INSYN2B: variants seen among roughly 807,000 people sequenced by gnomAD.
INSYN2B encodes inhibitory synaptic factor family member 2B.
Under a neutral mutation model 41.2 loss-of-function variants are expected in INSYN2B, and 16 were observed. The observed-to-expected ratio is 0.39, with a 90% confidence interval of 0.26 to 0.59. The LOEUF (loss-of-function observed/expected upper bound fraction) is 0.59, where lower values mean the gene tolerates loss of function less well. INSYN2B is among the 20% of genes least tolerant of loss of function. The pLI, the probability that INSYN2B is intolerant of heterozygous loss-of-function variation, is 0.57. For synonymous variants in INSYN2B, 245 were observed against 244.4 expected, an observed-to-expected ratio of 1.00 and a Z score of -0.02; for missense variants, 608 against 646.4, an observed-to-expected ratio of 0.94 and a Z score of 0.64.
intron 2 of INSYN2B, among the ~76,000 whole-genome samples, chr5:169,882,219 C>G (rs1772696091): frequency 6.6e-6 from 1 of 152,168 alleles, no homozygotes; most frequent in South Asian, 2.1e-4. Flanking sequence ...AAGTGCCTTC[C>G]TGCTATCATT....
intron 1 of INSYN2B, among the ~76,000 whole-genome samples, chr5:169,946,084 A>G (rs1489953539): frequency 6.6e-6 from 1 of 152,166 alleles, no homozygotes; most frequent in African/African-American, 2.4e-5. Context: ...TTTACCCAGG[A>G]AGCCCCAGTT....
Position 169,862,030 on chromosome 5 carries a change from C to A in INSYN2B, c.*2243G>T, listed in dbSNP as rs931030443. 3.3e-5 allele frequency among the ~76,000 whole-genome samples: 5 copies of A among 151,710 alleles called. No homozygotes were observed. Among genetic ancestry groups the A allele is most frequent in the Non-Finnish European group, 7.4e-5 (5 of 67,992 alleles). ...TTAAGGGTTCATGTGAGGGCCTCAA[C>A]TGGAAACATATCTATGACCACATCA... On this transcript the variant is annotated 3_prime_UTR_variant, in exon 4 of 4. Transcript: ENST00000377365.
intron 3 of INSYN2B, among the ~76,000 whole-genome samples, chr5:169,869,918 C>T (rs558250755): frequency 1.2e-4 from 19 of 152,152 alleles, no homozygotes; most frequent in Non-Finnish European, 1.8e-4. Context: ...CATGCAGGAT[C>T]GTAAGAAGGA....
intron 1 of INSYN2B, among the ~76,000 whole-genome samples, chr5:169,976,918 C>T (rs552295658): frequency 2.0e-5 from 3 of 152,340 alleles, no homozygotes; most frequent in Admixed American, 1.3e-4. Flanking sequence ...ATGCCTTTGA[C>T]ATGTAGCAGG....
At chr5:169,892,441 A>G (rs1373885597) in intron 1 of INSYN2B, among the ~76,000 whole-genome samples, 2 of 152,384 alleles carry the variant, frequency 1.3e-5, no homozygotes, top group East Asian at 1.9e-4. Context: ...ACTAATGTCA[A>G]TCCAGGTTCT....
Position 169,884,057 on chromosome 5 carries a change from T to G in INSYN2B, c.-159A>C. On this transcript the variant is annotated 5_prime_UTR_variant, in exon 2 of 4. An upstream start codon of the reference 5' UTR is lost. Transcript: ENST00000377365. Reference sequence around the variant, plus strand: ...TTAGTATGGGAAATCCTGTTGGCCATTCCCAGCCTCTAGAGTCTACGTAGG... The same window carrying G: ...TTAGTATGGGAAATCCTGTTGGCCAGTCCCAGCCTCTAGAGTCTACGTAGG... 7.2e-6 allele frequency: 4 copies of G among 557,858 alleles called. No individual in the cohort carries two copies. Among genetic ancestry groups the G allele is most frequent in the Non-Finnish European group, 1.2e-5 (4 of 341,446 alleles). The allele number at this position is 557,858 out of a possible 1,614,324, so 34.6% of individuals were successfully genotyped here.
At chr5:169,879,709 A>G (rs1399082957) in intron 3 of INSYN2B, among the ~76,000 whole-genome samples, 1 of 152,158 alleles carries the variant, frequency 6.6e-6, no homozygotes, top group Non-Finnish European at 1.5e-5. Flanking sequence ...GTCACTTTTA[A>G]TTCGGTTTAG....
intron 1 of INSYN2B, among the ~76,000 whole-genome samples, chr5:169,937,937 C>A (rs1172050434): frequency 6.6e-6 from 1 of 152,208 alleles, no homozygotes; most frequent in African/African-American, 2.4e-5. Flanking sequence ...CCTCTCCAGG[C>A]CTTTGCAGTG....
intron 1 of INSYN2B, among the ~76,000 whole-genome samples, chr5:169,918,881 G>A (rs1775023177): frequency 6.6e-6 from 1 of 152,170 alleles, no homozygotes; most frequent in Non-Finnish European, 1.5e-5. Flanking sequence ...CTGCATTCCA[G>A]CCCGGACGAC....
chr5:169,964,451 G>T (rs1003995859), intron 1 of INSYN2B, among the ~76,000 whole-genome samples: 4 of 152,262 alleles, frequency 2.6e-5, no homozygotes, highest in Non-Finnish European at 5.9e-5. Context: ...CTGGGAGGGG[G>T]CAGCTAGACG....
chr5:169,914,584 A>G (rs1774776744), intron 1 of INSYN2B, among the ~76,000 whole-genome samples: 1 of 152,246 alleles, frequency 6.6e-6, no homozygotes, highest in Admixed American at 6.5e-5. Flanking sequence ...TGGCCTGCAC[A>G]GTGTCTTAAA....
At chr5:169,936,242 C>T (rs914217058) in intron 1 of INSYN2B, among the ~76,000 whole-genome samples, 6 of 152,154 alleles carry the variant, frequency 3.9e-5, no homozygotes, top group Admixed American at 1.3e-4. Context: ...ATAACACTTC[C>T]GTGCATGGTT....
chr5:169,941,093 A>G (rs564443224), intron 1 of INSYN2B, among the ~76,000 whole-genome samples: 1 of 152,316 alleles, frequency 6.6e-6, no homozygotes, highest in South Asian at 2.1e-4. Flanking sequence ...TGAGTCTTTA[A>G]TCTCACAAAC....
intron 1 of INSYN2B, among the ~76,000 whole-genome samples, chr5:169,935,956 T>C (rs17737968): frequency 0.015 from 2,236 of 152,278 alleles, 80 homozygotes; most frequent in East Asian, 0.13. Context: ...TAACCACAAC[T>C]AATAAAAGGC....
intron 1 of INSYN2B, among the ~76,000 whole-genome samples, chr5:169,903,719 G>C (rs916867012): frequency 2.0e-5 from 3 of 152,128 alleles, no homozygotes; most frequent in Admixed American, 6.6e-5. Flanking sequence ...AAAGAAGTAA[G>C]TTTGGAGAAA....
In INSYN2B at chr5:169,864,474, GAGGA is replaced by G; in HGVS notation, c.1422-19_1422-16del. On this transcript the variant is annotated splice_polypyrimidine_tract_variant and intron_variant, in intron 3 of 3. Coordinates refer to ENST00000377365, the MANE Select transcript of INSYN2B (RefSeq NM_001129891.3). Reference sequence around the variant, plus strand: ...CATACTCTACACTGAAAAACACAGAGAGGAAGGAAGGAAAGTGAATTCGAATCAG... The same window carrying G: ...CATACTCTACACTGAAAAACACAGAGAGGAAGGAAAGTGAATTCGAATCAG... 1 of 1,507,794 alleles carries G rather than the reference GAGGA, an allele frequency of 6.6e-7. No individual in the cohort carries two copies. Among genetic ancestry groups the G allele is most frequent in the Non-Finnish European group, 8.9e-7 (1 of 1,126,264 alleles). 93.4% of individuals were successfully genotyped at this position (1,507,794 alleles called of 1,614,324 possible).
intron 3 of INSYN2B, among the ~76,000 whole-genome samples, chr5:169,868,196 T>G (rs538495113): frequency 7.9e-4 from 121 of 152,320 alleles, no homozygotes; most frequent in African/African-American, 2.9e-3. Flanking sequence ...CAACAGTAAG[T>G]TAGACAGATG....
At chr5:169,888,182 G>A (rs942670909) in intron 1 of INSYN2B, among the ~76,000 whole-genome samples, 1 of 152,168 alleles carries the variant, frequency 6.6e-6, no homozygotes, top group Non-Finnish European at 1.5e-5. Context: ...TGCCCTTGAT[G>A]TCCACCATGA....
chr5:169,900,126 AG>A (rs1410398535), intron 1 of INSYN2B, among the ~76,000 whole-genome samples: 1 of 152,168 alleles, frequency 6.6e-6, no homozygotes, highest in Non-Finnish European at 1.5e-5. Context: ...GCTGGGCATC[AG>A]GAACACCTCC....
Sources: allele counts gnomAD v4.1 joint callset (sites outside exome capture counted in the v4.1 genomes callset), GRCh38; gene constraint gnomAD v4.1.1; transcripts MANE v1.5; gene names NCBI Gene and HGNC (gene_info 2026-07-23, HGNC 2026-07-21).